ACAP2: variants seen among roughly 807,000 people sequenced by gnomAD.
ACAP2 encodes the protein arf-GAP with coiled-coil, ANK repeat and PH domain-containing protein 2.
A neutral mutation model predicts 115.8 loss-of-function variants in ACAP2; 39 were observed. The observed-to-expected ratio is 0.34, with a 90% CI of 0.26 to 0.44. The LOEUF is 0.44. ACAP2 is among the 20% of genes least tolerant of loss of function. The pLI is 1.00. For missense variants in ACAP2, 662 were observed against 927.6 expected, an observed-to-expected ratio of 0.71 and a Z score of 3.72; for synonymous variants, 289 against 315.8, an observed-to-expected ratio of 0.92 and a Z score of 0.90.
intron 2 of ACAP2, among the ~76,000 whole-genome samples, chr3:195,384,464 C>T (rs945701318): frequency 1.3e-5 from 2 of 152,132 alleles, no homozygotes; most frequent in African/African-American, 2.4e-5. Context: ...TGGTGGCTCA[C>T]GCCTGTAATC....
intron 1 of ACAP2, among the ~76,000 whole-genome samples, chr3:195,439,061 C>CAA (rs5855626): frequency 4.2e-4 from 59 of 141,692 alleles, no homozygotes; most frequent in East Asian, 9.9e-4. Flanking sequence ...AACTCTATCT[C>CAA]AAAAAAAAAA....
intron 22 of ACAP2, among the ~76,000 whole-genome samples, chr3:195,285,041 T>C (rs1726754434): frequency 6.6e-6 from 1 of 152,222 alleles, no homozygotes; most frequent in Non-Finnish European, 1.5e-5. Context: ...ATTTCTCAAG[T>C]AGAATAAATC....
chr3:195,348,416 A>G (rs1404415646), intron 4 of ACAP2, among the ~76,000 whole-genome samples: 3 of 152,160 alleles, frequency 2.0e-5, no homozygotes, highest in Non-Finnish European at 4.4e-5. Context: ...AATTCTACCA[A>G]ACATTGAAAG....
At chr3:195,353,498 G>T (rs748291677) in intron 4 of ACAP2, among the ~76,000 whole-genome samples, 1 of 152,122 alleles carries the variant, frequency 6.6e-6, no homozygotes, top group African/African-American at 2.4e-5. Context: ...AAATAACACT[G>T]AAGAAACTAG....
chr3:195,325,389 C>A (rs1729717051), intron 9 of ACAP2: 8 of 409,610 alleles, frequency 2.0e-5, no homozygotes, highest in South Asian at 1.3e-4. Flanking sequence ...AGGAGACATA[C>A]TTTCCCTTAG....
intron 1 of ACAP2, among the ~76,000 whole-genome samples, chr3:195,424,299 TTTTTTTTTTTTTTG>T (rs1247685887): frequency 3.2e-5 from 3 of 94,782 alleles, no homozygotes; most frequent in Admixed American, 1.2e-4. Flanking sequence ...TTTTTTTTTT[TTTTTTTTTTTTTTG>T]AAACAGAGTC....
chr3:195,306,381 T>A, intron 13 of ACAP2, 130 bp downstream of exon 13: 1 of 509,390 alleles, frequency 2.0e-6, no homozygotes. Flanking sequence ...ATCCAGATTT[T>A]AAAAATAAAA....
chr3:195,381,068 A>AG lies in ACAP2; in HGVS notation c.232-7dup. 1 of 1,591,360 alleles carries AG rather than the reference A, an allele frequency of 6.3e-7. No homozygotes were observed. The highest frequency in any genetic ancestry group is 8.5e-7 in the Non-Finnish European group (1 of 1,174,926). On this transcript the variant is annotated splice_region_variant and splice_polypyrimidine_tract_variant and intron_variant, in intron 3 of 22. Transcript: ENST00000326793. ...GAAAACTTGGTCAAACTTGTCTATGAGAAAAAAAGCAAAAGAAAACCAAAT... is the reference window on the plus strand; with the variant it reads ...GAAAACTTGGTCAAACTTGTCTATGAGGAAAAAAAGCAAAAGAAAACCAAAT...
chr3:195,351,012 T>G (rs1333276031), intron 4 of ACAP2, among the ~76,000 whole-genome samples: 1 of 151,860 alleles, frequency 6.6e-6, no homozygotes, highest in East Asian at 1.9e-4. Context: ...AAAAAAAAAG[T>G]TTGATCTTTA....
At chr3:195,323,760 G>A (rs1316691014) in intron 9 of ACAP2, among the ~76,000 whole-genome samples, 1 of 152,028 alleles carries the variant, frequency 6.6e-6, no homozygotes, top group African/African-American at 2.4e-5. Context: ...GAGGCTGGGA[G>A]TGGTGGTGGG....
intron 12 of ACAP2, chr3:195,306,972 A>G (rs1208046334): frequency 5.3e-6 from 2 of 376,576 alleles, no homozygotes; most frequent in Middle Eastern, 7.3e-4. Flanking sequence ...TCAATTCATC[A>G]TAATAGCTAA....
chr3:195,424,283 A>ATATATATAT (rs1179576221), intron 1 of ACAP2, among the ~76,000 whole-genome samples: 2 of 54,112 alleles, frequency 3.7e-5, no homozygotes, highest in African/African-American at 1.9e-4. Context: ...ATATATATAT[A>ATATATATAT]TTTTTTTTTT....
At chr3:195,315,943 C>G (rs554431959) in intron 10 of ACAP2, among the ~76,000 whole-genome samples, 1 of 152,162 alleles carries the variant, frequency 6.6e-6, no homozygotes, top group African/African-American at 2.4e-5. Context: ...AATGGCAGTG[C>G]AATATTCTAC....
intron 4 of ACAP2, among the ~76,000 whole-genome samples, chr3:195,371,259 A>G (rs932887135): frequency 5.3e-5 from 8 of 152,250 alleles, no homozygotes; most frequent in Admixed American, 5.2e-4. Context: ...AATCCTCATT[A>G]TAGAGATCTT....
chr3:195,433,964 A>G (rs2410792), intron 1 of ACAP2, among the ~76,000 whole-genome samples: 2 of 151,898 alleles, frequency 1.3e-5, no homozygotes, highest in Admixed American at 6.6e-5. Flanking sequence ...AGGTCTCACT[A>G]TGTCACACAG....
chr3:195,291,201 T>C (rs1319905135), intron 20 of ACAP2, among the ~76,000 whole-genome samples: 1 of 152,236 alleles, frequency 6.6e-6, no homozygotes, highest in Non-Finnish European at 1.5e-5. Flanking sequence ...TTTTCAAGGC[T>C]TTATTGTTCT....
chr3:195,317,234 C>T (rs1729154608), intron 10 of ACAP2, among the ~76,000 whole-genome samples: 1 of 151,866 alleles, frequency 6.6e-6, no homozygotes, highest in Non-Finnish European at 1.5e-5. Flanking sequence ...GACACCAAGA[C>T]ATAAAAATAA....
intron 1 of ACAP2, among the ~76,000 whole-genome samples, chr3:195,432,419 T>C (rs1175433111): frequency 4.6e-5 from 7 of 152,244 alleles, no homozygotes; most frequent in African/African-American, 1.7e-4. Context: ...TATTCAGTTG[T>C]CTTTGCACCA....
chr3:195,317,755 C>T (rs923421321), intron 10 of ACAP2, among the ~76,000 whole-genome samples: 1 of 152,182 alleles, frequency 6.6e-6, no homozygotes, highest in Non-Finnish European at 1.5e-5. Context: ...GGAGCATCAA[C>T]TGCCACAGCT....
Sources: gnomAD v4.1 joint callset for allele counts (sites outside exome capture counted in the v4.1 genomes callset) on GRCh38, gnomAD v4.1.1 for gene constraint, MANE v1.5 for transcripts, NCBI Gene and HGNC (gene_info 2026-07-23, HGNC 2026-07-21) for gene names.